The following ENTREP2 variants were observed in gnomAD, a reference collection of about 807,000 sequenced individuals.
The protein encoded by ENTREP2 is endosomal transmembrane epsin interactor 2, also known as protein ENTREP2.
chr15:29,154,236 CTTCCATTT>C, the ENTREP2 span, among the ~76,000 whole-genome samples: 2 of 152,028 alleles, frequency 1.3e-5, no homozygotes, highest in South Asian at 4.1e-4. Context: ...TATTGATTTC[CTTCCATTT>C]TATTACCTTT....
chr15:29,497,691 C>T, the ENTREP2 span, among the ~76,000 whole-genome samples: 4 of 152,068 alleles, frequency 2.6e-5, no homozygotes, highest in East Asian at 7.7e-4. Context: ...ATCTAATTAA[C>T]AGTATGTCAA....
At chr15:29,644,828 G>GA in the ENTREP2 span, among the ~76,000 whole-genome samples, 120 of 133,662 alleles carry the variant, frequency 9.0e-4, 1 homozygote, top group African/African-American at 3.0e-3. Context: ...AAAAAAAAAA[G>GA]AAAAAAAAAG....
the ENTREP2 span, among the ~76,000 whole-genome samples, chr15:29,217,846 G>T: frequency 2.0e-5 from 3 of 152,128 alleles, no homozygotes; most frequent in African/African-American, 7.2e-5. Flanking sequence ...ACCAGGGTTG[G>T]TTTTCTGATT....
the ENTREP2 span, among the ~76,000 whole-genome samples, chr15:29,537,563 G>A: frequency 2.9e-4 from 44 of 152,176 alleles, no homozygotes; most frequent in Non-Finnish European, 6.2e-4. Context: ...CCCTTGGCCT[G>A]GCCCAGGGCC....
chr15:29,330,364 G>A, the ENTREP2 span, among the ~76,000 whole-genome samples: 2 of 151,994 alleles, frequency 1.3e-5, no homozygotes, highest in Non-Finnish European at 2.9e-5. Context: ...CAGGAGAACC[G>A]TTTGAACCCG....
At chr15:29,555,463 G>A in the ENTREP2 span, among the ~76,000 whole-genome samples, 1 of 152,132 alleles carries the variant, frequency 6.6e-6, no homozygotes, top group African/African-American at 2.4e-5. Context: ...TAATTTGAAA[G>A]AATAAAGCCC....
chr15:29,609,639 ATT>A, the ENTREP2 span: 1 of 149,830 alleles, frequency 6.7e-6, no homozygotes, highest in African/African-American at 2.5e-5. Context: ...ATTAATTATT[ATT>A]GTTACCCAAT....
At chr15:29,117,740 T>C in the ENTREP2 span, 2 of 154,054 alleles carry the variant, frequency 1.3e-5, no homozygotes, top group Non-Finnish European at 2.9e-5. Flanking sequence ...TTAGATGCTA[T>C]TATTACTGTT....
At chr15:29,598,138 A>C in the ENTREP2 span, among the ~76,000 whole-genome samples, 1 of 151,912 alleles carries the variant, frequency 6.6e-6, no homozygotes, top group South Asian at 2.1e-4. Context: ...AAAAAGAAAA[A>C]GACTAGGTTT....
the ENTREP2 span, among the ~76,000 whole-genome samples, chr15:29,304,085 G>A: frequency 5.9e-4 from 90 of 152,182 alleles, 1 homozygote; most frequent in East Asian, 0.014. Context: ...GTTTCACCAT[G>A]TTGGCTAGGC....
the ENTREP2 span, among the ~76,000 whole-genome samples, chr15:29,277,333 C>T: frequency 1.8e-3 from 268 of 149,134 alleles, no homozygotes; most frequent in African/African-American, 6.6e-3. Context: ...CAGAGCAAGA[C>T]TCCGTCTCAA....
At chr15:29,126,527 C>CA in the ENTREP2 span, 1 of 1,530,806 alleles carries the variant, frequency 6.5e-7, no homozygotes, top group East Asian at 2.5e-5. Context: ...GAGTGGGCGG[C>CA]CGCAGGGGAC....
At chr15:29,500,992 C>T in the ENTREP2 span, among the ~76,000 whole-genome samples, 1 of 151,870 alleles carries the variant, frequency 6.6e-6, no homozygotes, top group East Asian at 1.9e-4. Flanking sequence ...TAGAAACACA[C>T]GATCTACCAA....
At chr15:29,308,510 G>A in the ENTREP2 span, among the ~76,000 whole-genome samples, 8 of 152,212 alleles carry the variant, frequency 5.3e-5, no homozygotes, top group Non-Finnish European at 4.4e-5. Flanking sequence ...GAGTGGACCT[G>A]CCCCTGAGTC....
the ENTREP2 span, among the ~76,000 whole-genome samples, chr15:29,356,834 C>T: frequency 2.0e-5 from 3 of 152,174 alleles, no homozygotes; most frequent in South Asian, 6.2e-4. Flanking sequence ...AAACACAACT[C>T]CAATAAACAT....
At chr15:29,499,296 T>C in the ENTREP2 span, among the ~76,000 whole-genome samples, 6 of 130,808 alleles carry the variant, frequency 4.6e-5, no homozygotes, top group African/African-American at 1.9e-4. Flanking sequence ...CTCTTCATCT[T>C]TTCTGTATCT....
the ENTREP2 span, among the ~76,000 whole-genome samples, chr15:29,534,106 CAAAAAAAAAA>C: frequency 8.0e-4 from 36 of 44,932 alleles, 1 homozygote; most frequent in Admixed American, 0.011. Flanking sequence ...GCCCCTTGGC[CAAAAAAAAAA>C]AAAAAAAAAA....
the ENTREP2 span, chr15:29,196,301 T>G: frequency 2.2e-6 from 2 of 924,100 alleles, no homozygotes; most frequent in Non-Finnish European, 3.2e-6. Context: ...TGGAAAGATA[T>G]TCCCTCTTGC....
chr15:29,345,348 A>G, the ENTREP2 span, among the ~76,000 whole-genome samples: 1 of 152,072 alleles, frequency 6.6e-6, no homozygotes, highest in Admixed American at 6.5e-5. Flanking sequence ...AGCTCAGCCG[A>G]GTGGGGCTAG....
Sources: allele counts gnomAD v4.1 joint callset (sites outside exome capture counted in the v4.1 genomes callset), GRCh38; gene constraint gnomAD v4.1.1; transcripts MANE v1.5; gene names NCBI Gene and HGNC (gene_info 2026-07-23, HGNC 2026-07-21).